The following NUDT2 variants were observed in gnomAD, a reference collection of about 807,000 sequenced individuals.
The protein encoded by NUDT2 is nudix hydrolase 2.
NUDT2 carries 12 observed loss-of-function variants against 14.2 expected under a neutral mutation model. The observed-to-expected ratio is 0.84, with a 90% CI of 0.54 to 1.37. The LOEUF is 1.37. Ranked by LOEUF, NUDT2 falls within the 40% of genes most tolerant of loss-of-function variation. The pLI, the probability that NUDT2 is intolerant of heterozygous loss-of-function variation, is 0.00. For missense variants in NUDT2, 167 were observed against 176.7 expected (o/e 0.95, Z 0.31); for synonymous variants, 67 against 67.4 (o/e 0.99, Z 0.03).
chr9:34,337,551 G>A (rs1838121749), intron 2 of NUDT2, among the ~76,000 whole-genome samples: 1 of 152,346 alleles, frequency 6.6e-6, no homozygotes. Context: ...AGGTCTTGGT[G>A]TTGGGTGTTT....
Position 34,343,666 on chromosome 9 carries a change from C to T in NUDT2, c.*226C>T, listed in dbSNP as rs901198910. 2.1e-6 allele frequency: 1 copy of T among 474,918 alleles called. No homozygotes were observed. Among genetic ancestry groups the T allele is most frequent in the Non-Finnish European group, 3.7e-6 (1 of 269,868 alleles). 29.4% of individuals were successfully genotyped at this position (474,918 alleles called of 1,614,324 possible). On this transcript the variant is annotated 3_prime_UTR_variant, in exon 5 of 5. Transcript: ENST00000379158. ...AAAAGGCCAGGCCCAGTAAGTGTAC[C>T]TTGTACTTTATAAATAAACCTCAAG...
intron 4 of NUDT2, 89 bp from the exon 5 acceptor site, chr9:34,343,035 G>GA (rs56783603): frequency 0.21 from 214,598 of 1,037,198 alleles, 2,261 homozygotes; most frequent in Non-Finnish European, 0.23. Context: ...AAGCAAAACA[G>GA]AAAAAAAAAA....
At chr9:34,338,979 C>G in intron 3 of NUDT2, 45 bp from the exon 4 acceptor site, 2 of 1,547,596 alleles carry the variant, frequency 1.3e-6, no homozygotes, top group Non-Finnish European at 1.8e-6. Context: ...TATGGAGCTT[C>G]CTATTTTGTG....
intron 4 of NUDT2, among the ~76,000 whole-genome samples, chr9:34,339,922 A>G (rs1030070376): frequency 6.7e-6 from 1 of 148,394 alleles, no homozygotes; most frequent in African/African-American, 2.4e-5. Flanking sequence ...CAGTGTCCCT[A>G]TCATTAGGTT....
intron 2 of NUDT2, among the ~76,000 whole-genome samples, chr9:34,337,920 C>T (rs890810800): frequency 4.6e-5 from 7 of 151,848 alleles, no homozygotes; most frequent in Admixed American, 1.3e-4. Flanking sequence ...TCACCACAAC[C>T]GTAACCTCCG....
intron 2 of NUDT2, among the ~76,000 whole-genome samples, chr9:34,336,612 G>A (rs1236860005): frequency 2.0e-5 from 3 of 152,076 alleles, no homozygotes; most frequent in Non-Finnish European, 2.9e-5. Flanking sequence ...TGCAAACATG[G>A]CTCACTGTAG....
In NUDT2 at chr9:34,339,137, A is replaced by G. The variant is rs1838172933; in HGVS notation, c.98A>G (p.Asp33Gly). The change falls in exon 4 of 5, where the codon GAT (aspartate) becomes GGT (glycine). Residue 33 changes from aspartate (D) to glycine (G), a missense_variant. Coordinates refer to ENST00000379158, the MANE Select transcript of NUDT2 (RefSeq NM_001161.5). ...GAGTTTTTACTGCTGCAGGCATCAG[A>G]TGGCATTCATCACTGGACTCCTCCC... ...AIEFLLLQASDGIHHWTPPKG... is the reference protein window; with the variant it reads ...AIEFLLLQASGGIHHWTPPKG... 1.2e-6 allele frequency: 2 copies of G among 1,613,944 alleles called. No homozygotes were observed. Among genetic ancestry groups the G allele is most frequent in the Non-Finnish European group, 1.7e-6 (2 of 1,179,964 alleles).
chr9:34,340,829 A>T (rs1820166328), intron 4 of NUDT2, among the ~76,000 whole-genome samples: 1 of 152,108 alleles, frequency 6.6e-6, no homozygotes, highest in Non-Finnish European at 1.5e-5. Context: ...TTTATTTTTT[A>T]AATTATTTTG....
chr9:34,343,532 A>G lies in NUDT2; in HGVS notation c.*92A>G. 1 of 1,201,502 alleles carries G rather than the reference A, an allele frequency of 8.3e-7. No homozygotes were observed. The highest frequency in any genetic ancestry group is 1.1e-6 in the Non-Finnish European group (1 of 882,364). The allele number at this position is 1,201,502 out of a possible 1,614,324, so 74.4% of individuals were successfully genotyped here. A position where few individuals can be genotyped will look rare whatever the true frequency, so the allele number is the denominator to read the frequency against. ...CAGGTCCAGGGAAGGTTGTGCTGGTATTTGGCTCATGACAGCCAAGAGCAG... is the reference window on the plus strand; with the variant it reads ...CAGGTCCAGGGAAGGTTGTGCTGGTGTTTGGCTCATGACAGCCAAGAGCAG... On this transcript the variant is annotated 3_prime_UTR_variant, in exon 5 of 5. Transcript: ENST00000379158.
chr9:34,330,716 C>T (rs1305029063), intron 1 of NUDT2, among the ~76,000 whole-genome samples: 2 of 151,872 alleles, frequency 1.3e-5, no homozygotes, highest in Non-Finnish European at 2.9e-5. Flanking sequence ...AATCCTAGCC[C>T]TTTGGGAGGC....
chr9:34,340,349 T>G (rs1838200772), intron 4 of NUDT2, among the ~76,000 whole-genome samples: 1 of 152,028 alleles, frequency 6.6e-6, no homozygotes, highest in Admixed American at 6.5e-5. Context: ...TAGATTCATC[T>G]GCAGATTGTG....
At chr9:34,330,468 T>G (rs1336687539) in intron 1 of NUDT2, among the ~76,000 whole-genome samples, 1 of 152,220 alleles carries the variant, frequency 6.6e-6, no homozygotes, top group Non-Finnish European at 1.5e-5. Flanking sequence ...AACGCTATTA[T>G]AGAGTTAAGG....
chr9:34,329,907 G>T (rs1201405480), intron 1 of NUDT2, among the ~76,000 whole-genome samples: 2 of 152,238 alleles, frequency 1.3e-5, no homozygotes, highest in African/African-American at 2.4e-5. Context: ...GGGCCCAGAG[G>T]CCCAGGCGCC....
At chr9:34,330,694 G>C (rs1056135260) in intron 1 of NUDT2, among the ~76,000 whole-genome samples, 1 of 152,200 alleles carries the variant, frequency 6.6e-6, no homozygotes. Context: ...GGGCGCGGTG[G>C]CTCACGCCTG....
At chr9:34,339,696 A>T (rs1057194137) in intron 4 of NUDT2, among the ~76,000 whole-genome samples, 3 of 152,078 alleles carry the variant, frequency 2.0e-5, no homozygotes, top group Non-Finnish European at 4.4e-5. Flanking sequence ...TACAAAAATT[A>T]GCCAGGTGTG....
chr9:34,338,843 C>G lies in NUDT2; in HGVS notation c.-21C>G. The G allele has an allele frequency of 2.1e-6, 1 of 486,534 alleles. No individual in the cohort carries two copies. The highest frequency in any genetic ancestry group is 3.7e-6 in the Non-Finnish European group (1 of 269,032). The allele number at this position is 486,534 out of a possible 1,614,324, so 30.1% of individuals were successfully genotyped here. ...GTTGCCAGGGTCCTGCAGTTATACA[C>G]AAAGGTCAGTCTCTGATTCCTGGAT... On this transcript the variant is annotated 5_prime_UTR_variant, in exon 3 of 5. Coordinates refer to ENST00000379158, the MANE Select transcript of NUDT2 (RefSeq NM_001161.5).
rs746674514 is a variant in NUDT2 at position 34,339,014 on chromosome 9, CTTT to C, written c.-16-9_-16-7del. On this transcript the variant is annotated splice_region_variant and splice_polypyrimidine_tract_variant and intron_variant, in intron 3 of 4. Transcript: ENST00000379158. ...GTAACTTCCCAATATTCTGTATCTT[CTTT>C]GTTAAGTCCTTAGGATAAGACCATG... 6.3e-7 allele frequency: 1 copy of C among 1,598,098 alleles called. No individual in the cohort carries two copies. Among genetic ancestry groups the C allele is most frequent in the South Asian group, 1.1e-5 (1 of 90,478 alleles).
chr9:34,335,998 C>T (rs1006704190), intron 1 of NUDT2, among the ~76,000 whole-genome samples: 3 of 152,014 alleles, frequency 2.0e-5, no homozygotes, highest in African/African-American at 4.8e-5. Context: ...GGGCACTGTG[C>T]CCTCTAGTCT....
rs1315283312 is a variant in NUDT2, at chr9:34,341,190, TC to T, written c.128-1932del. Among the ~76,000 whole-genome samples, 7 of 152,352 alleles carry T rather than the reference TC, an allele frequency of 4.6e-5. No individual in the cohort carries two copies. In the East Asian group the frequency reaches 1.3e-3, roughly 29 times the overall value. ...GATCACATGAGTCACACTGCCTTGT[TC>T]CTCTCACTACCTGATGTCAGTGGAC... is the stretch of plus-strand genomic sequence containing the variant. On this transcript the variant is annotated intron_variant, in intron 4 of 4. Transcript: ENST00000379158.
Sources: allele counts gnomAD v4.1 joint callset (sites outside exome capture counted in the v4.1 genomes callset), GRCh38; gene constraint gnomAD v4.1.1; transcripts MANE v1.5; gene names NCBI Gene and HGNC (gene_info 2026-07-23, HGNC 2026-07-21).